Variants in AVL9 observed in about 807,000 individuals in gnomAD.
AVL9 encodes AVL9 cell migration associated, also known as late secretory pathway protein AVL9 homolog.
Under a neutral mutation model 79.2 loss-of-function variants are expected in AVL9, and 49 were observed. The ratio of observed to expected loss-of-function variants is 0.62; its 90% confidence interval spans 0.49 to 0.79. AVL9 has a LOEUF of 0.79. AVL9 is among the 30% of genes least tolerant of loss of function. AVL9 has a pLI of 0.00. For synonymous variants in AVL9, 299 were observed against 280.6 expected, an observed-to-expected ratio of 1.07 and a Z score of -0.65; for missense variants, 682 against 776.8, an observed-to-expected ratio of 0.88 and a Z score of 1.45.
Position 32,554,537 on chromosome 7 carries a change from CA to C in AVL9, c.571-20del. 1.4e-6 allele frequency: 2 copies of C among 1,459,848 alleles called. No individual in the cohort carries two copies. Among genetic ancestry groups the C allele is most frequent in the Non-Finnish European group, 1.9e-6 (2 of 1,068,088 alleles). The allele number at this position is 1,459,848 out of a possible 1,614,324, so 90.4% of individuals were successfully genotyped here. A position where few individuals can be genotyped will look rare whatever the true frequency, so the allele number is the denominator to read the frequency against. The stretch of plus-strand genomic sequence containing the variant: ...GCGTGAGTCTCTCATTTCAATACAA[CA>C]TTTTTTTTTCCTTTTGCAGGTCTTA... On this transcript the variant is annotated intron_variant, in intron 7 of 15. Coordinates refer to ENST00000318709, the MANE Select transcript of AVL9 (RefSeq NM_015060.3).
chr7:32,498,920 T>C (rs1007224422), intron 1 of AVL9, among the ~76,000 whole-genome samples: 1 of 124 alleles, frequency 8.1e-3, no homozygotes, highest in Non-Finnish European at 0.015. Context: ...TCCTAACACT[T>C]TGGGAGGCCG....
intron 1 of AVL9, among the ~76,000 whole-genome samples, chr7:32,521,936 A>C (rs1258097480): frequency 1.3e-5 from 2 of 152,224 alleles, no homozygotes; most frequent in Admixed American, 6.5e-5. Flanking sequence ...TTGTGGCCTC[A>C]GAGGGTGGAA....
chr7:32,519,384 C>T (rs868426737), intron 1 of AVL9, among the ~76,000 whole-genome samples: 4 of 150,742 alleles, frequency 2.7e-5, no homozygotes, highest in South Asian at 4.2e-4. Flanking sequence ...GCTGACACTG[C>T]GCCACTGCAC....
chr7:32,569,519 T>C (rs1216787896), intron 10 of AVL9, among the ~76,000 whole-genome samples: 5 of 152,216 alleles, frequency 3.3e-5, no homozygotes, highest in Admixed American at 6.5e-5. Flanking sequence ...GTAACAAATA[T>C]CTTGAAATCT....
chr7:32,579,803 T>TTA (rs113477521), intron 13 of AVL9, among the ~76,000 whole-genome samples: 50 of 149,496 alleles, frequency 3.3e-4, no homozygotes, highest in African/African-American at 1.2e-3. Context: ...TAGCACACAT[T>TTA]TATAAGATGG....
At chr7:32,580,626 TA>T in intron 14 of AVL9, 175 bp from the exon 15 acceptor site, 1 of 596,924 alleles carries the variant, frequency 1.7e-6, no homozygotes. Flanking sequence ...TGCACATGCT[TA>T]AAAGGTTAAT....
In AVL9 at chr7:32,580,222, T is replaced by G; in HGVS notation, c.1692T>G (p.His564Gln). Residue 564 changes from histidine to glutamine, a missense_variant, in exon 14 of 16, where the codon CAT (histidine) becomes CAG (glutamine). Coordinates refer to ENST00000318709, the MANE Select transcript of AVL9 (RefSeq NM_015060.3). ...TAAACTCAAACTTTTTTTACAGCCATCCATTTCAAGGCCAATACTCAGTAT... is the reference window on the plus strand; with the variant it reads ...TAAACTCAAACTTTTTTTACAGCCAGCCATTTCAAGGCCAATACTCAGTAT... Reference protein sequence around the residue: ...HPALAEINPNHPFQGQYSVSD... With the variant: ...HPALAEINPNQPFQGQYSVSD... The G allele has an allele frequency of 6.2e-7, 1 of 1,611,006 alleles. No individual in the cohort carries two copies. Among genetic ancestry groups the G allele is most frequent in the African/African-American group, 1.3e-5 (1 of 74,798 alleles).
At chr7:32,497,703 T>C (rs925722543) in intron 1 of AVL9, among the ~76,000 whole-genome samples, 11 of 150,962 alleles carry the variant, frequency 7.3e-5, no homozygotes, top group African/African-American at 2.7e-4. Flanking sequence ...TCACCCAGGC[T>C]GGAGTGCAGT....
intron 1 of AVL9, among the ~76,000 whole-genome samples, chr7:32,499,030 GCA>G: frequency 8.8e-6 from 1 of 113,326 alleles, no homozygotes; most frequent in Non-Finnish European, 1.8e-5. Context: ...GCGCGTGGTG[GCA>G]CATGCCTGTG....
intron 4 of AVL9, 71 bp downstream of exon 4, chr7:32,548,989 A>G: frequency 1.0e-6 from 1 of 973,406 alleles, no homozygotes; most frequent in Non-Finnish European, 1.5e-6. Flanking sequence ...ATAAGGCACT[A>G]TTAGAATAAG....
chr7:32,545,462 T>C lies in AVL9; in HGVS notation c.300+683T>C, dbSNP rs1310482052. Among the ~76,000 whole-genome samples, 8 of 139,560 alleles carry C rather than the reference T, an allele frequency of 5.7e-5. No homozygotes were observed. The Admixed American group carries it at 6.7e-4, about 12-fold the overall frequency. The allele number at this position is 139,560 out of a possible 152,430, so 91.6% of individuals were successfully genotyped here. A position where few individuals can be genotyped will look rare whatever the true frequency, so the allele number is the denominator to read the frequency against. On this transcript the variant is annotated intron_variant, in intron 3 of 15. Transcript: ENST00000318709. ...TCTTGGCTCACTGCAGCCTTGACCCTGAGCTCAAGCCCTCCTCCCATCTCA... is the reference window on the plus strand; with the variant it reads ...TCTTGGCTCACTGCAGCCTTGACCCCGAGCTCAAGCCCTCCTCCCATCTCA...
intron 1 of AVL9, among the ~76,000 whole-genome samples, chr7:32,525,403 T>C (rs908001117): frequency 6.6e-6 from 1 of 152,232 alleles, no homozygotes; most frequent in Non-Finnish European, 1.5e-5. Context: ...AGAGCCTATA[T>C]AGTCAATGAA....
chr7:32,531,501 T>C (rs995075932), intron 1 of AVL9: 3 of 152,168 alleles, frequency 2.0e-5, no homozygotes, highest in Non-Finnish European at 2.9e-5. Flanking sequence ...TCAAGTACCA[T>C]TAGCGTGAAA....
At chr7:32,582,384 C>T (rs944015439) in intron 15 of AVL9, among the ~76,000 whole-genome samples, 11 of 152,128 alleles carry the variant, frequency 7.2e-5, no homozygotes, top group Non-Finnish European at 1.5e-4. Flanking sequence ...AGACAGAAAA[C>T]TCTACAGACT....
intron 11 of AVL9, among the ~76,000 whole-genome samples, chr7:32,571,535 A>C (rs532713589): frequency 3.3e-5 from 5 of 152,256 alleles, no homozygotes; most frequent in Non-Finnish European, 7.3e-5. Flanking sequence ...CTCAAAAAAA[A>C]AAGAAGAAAA....
chr7:32,504,315 T>C (rs1196529014), intron 1 of AVL9, among the ~76,000 whole-genome samples: 6 of 152,224 alleles, frequency 3.9e-5, no homozygotes, highest in Non-Finnish European at 8.8e-5. Context: ...TCTTTGTATA[T>C]ATTTTCAGGA....
chr7:32,582,915 C>CTCAA (rs1791579162), intron 15 of AVL9, among the ~76,000 whole-genome samples: 1 of 152,166 alleles, frequency 6.6e-6, no homozygotes, highest in South Asian at 2.1e-4. Context: ...AATTCTTGGA[C>CTCAA]TCAAGCTAAC....
rs1227025763 is a variant in AVL9 at position 32,548,144 on chromosome 7, C to CTCTCTTTTTTTTTTTTTTTT, written c.301-702_301-701insCTCTTTTTTTTTTTTTTTTT. 2.3e-3 allele frequency among the ~76,000 whole-genome samples: 130 copies of CTCTCTTTTTTTTTTTTTTTT among 57,556 alleles called. 4 individuals carry two copies. The highest frequency in any genetic ancestry group is 6.8e-3 in the African/African-American group (126 of 18,492). The allele number at this position is 57,556 out of a possible 152,430, so 37.8% of individuals were successfully genotyped here. On this transcript the variant is annotated intron_variant, in intron 3 of 15. Coordinates refer to ENST00000318709, the MANE Select transcript of AVL9 (RefSeq NM_015060.3). ...AACAAGCTGTCTGTTTTTGTCATCTCTTTTTTCTTTTTTTTTTTTTTGAGA... is the reference window on the plus strand; with the variant it reads ...AACAAGCTGTCTGTTTTTGTCATCTCTCTCTTTTTTTTTTTTTTTTTTTTTTCTTTTTTTTTTTTTTGAGA...
chr7:32,541,816 G>A (rs1789223561), intron 1 of AVL9, among the ~76,000 whole-genome samples: 2 of 151,770 alleles, frequency 1.3e-5, no homozygotes, highest in Admixed American at 1.3e-4. Flanking sequence ...CTGGGTTCAA[G>A]CAATTCTCCT....
Sources: gnomAD v4.1 joint callset for allele counts (sites outside exome capture counted in the v4.1 genomes callset) on GRCh38, gnomAD v4.1.1 for gene constraint, MANE v1.5 for transcripts, NCBI Gene and HGNC (gene_info 2026-07-23, HGNC 2026-07-21) for gene names.